Variants in GRM8 observed in about 807,000 individuals in gnomAD.
GRM8 encodes metabotropic glutamate receptor 8.
Under a neutral mutation model 87.2 loss-of-function variants are expected in GRM8, and 47 were observed. The ratio of observed to expected loss-of-function variants is 0.54; its 90% CI spans 0.43 to 0.69. The LOEUF is 0.69. GRM8 is among the 30% of genes least tolerant of loss of function. The pLI is 0.00. For missense variants in GRM8, 1,019 were observed against 1,139.2 expected, an observed-to-expected ratio of 0.89 and a Z score of 1.52; for synonymous variants, 396 against 404.5, an observed-to-expected ratio of 0.98 and a Z score of 0.25.
intron 6 of GRM8, among the ~76,000 whole-genome samples, chr7:126,873,141 T>C (rs1267120553): frequency 2.0e-5 from 3 of 152,116 alleles, no homozygotes; most frequent in Admixed American, 2.0e-4. Flanking sequence ...GCTTCACCTT[T>C]GATAACTTTC....
chr7:126,904,557 T>G lies in GRM8; in HGVS notation c.854A>C (p.Asp285Ala). The change falls in exon 4 of 11, where the codon GAT becomes GCT. Residue 285 changes from aspartate (D) to alanine (A), a missense_variant. Coordinates refer to ENST00000339582, the MANE Select transcript of GRM8 (RefSeq NM_000845.3). ...ARAVIMFANE[D>A]DIRRILEAAK... The stretch of plus-strand genomic sequence containing the variant: ...GAAAAGTAATCAGCACCTGATGTCA[T>G]CCTCATTGGCAAACATAATCACTGC... 1 of 1,613,672 alleles carries G rather than the reference T, an allele frequency of 6.2e-7. No individual in the cohort carries two copies. The highest frequency in any genetic ancestry group is 8.5e-7 in the Non-Finnish European group (1 of 1,179,654).
chr7:126,474,166 G>T (rs186153454), intron 9 of GRM8, among the ~76,000 whole-genome samples: 2 of 152,196 alleles, frequency 1.3e-5, no homozygotes, highest in East Asian at 3.9e-4. Flanking sequence ...CCAAAATGAA[G>T]TGCTAGATTT....
chr7:126,970,794 A>C (rs939474286), intron 3 of GRM8, among the ~76,000 whole-genome samples: 7 of 152,096 alleles, frequency 4.6e-5, no homozygotes, highest in African/African-American at 1.7e-4. Flanking sequence ...TGAAAGACAG[A>C]GGTATGAATC....
chr7:126,624,770 TAG>T (rs1800511261), intron 7 of GRM8, among the ~76,000 whole-genome samples: 1 of 152,200 alleles, frequency 6.6e-6, no homozygotes, highest in Admixed American at 6.5e-5. Flanking sequence ...ATGCACTACA[TAG>T]GAGGGCATTA....
At chr7:126,535,169 C>T (rs1231529452) in intron 8 of GRM8, among the ~76,000 whole-genome samples, 1 of 152,230 alleles carries the variant, frequency 6.6e-6, no homozygotes, top group Admixed American at 6.5e-5. Flanking sequence ...AATAACCTCA[C>T]TTCTGAAAAT....
At chr7:127,150,477 T>C (rs1452799249) in intron 2 of GRM8, among the ~76,000 whole-genome samples, 2 of 152,048 alleles carry the variant, frequency 1.3e-5, no homozygotes, top group Non-Finnish European at 2.9e-5. Flanking sequence ...GGGGAAAAAC[T>C]GGAAATTTAA....
intron 5 of GRM8, 68 bp downstream of exon 5, chr7:126,903,904 T>C: frequency 1.1e-6 from 1 of 904,678 alleles, no homozygotes. Context: ...CATATTATGA[T>C]ACTCCAGTTT....
intron 7 of GRM8, among the ~76,000 whole-genome samples, chr7:126,650,968 G>A (rs1803785542): frequency 6.6e-6 from 1 of 152,098 alleles, no homozygotes; most frequent in Non-Finnish European, 1.5e-5. Context: ...AGAGACTGAT[G>A]CTGAGCCCTC....
chr7:126,917,391 A>ACACG (rs993983147), intron 3 of GRM8, among the ~76,000 whole-genome samples: 4 of 151,946 alleles, frequency 2.6e-5, no homozygotes, highest in Non-Finnish European at 5.9e-5. Flanking sequence ...ACACACACAC[A>ACACG]CACACACATG....
chr7:126,945,872 T>A (rs983408611), intron 3 of GRM8, among the ~76,000 whole-genome samples: 3 of 152,222 alleles, frequency 2.0e-5, no homozygotes, highest in African/African-American at 4.8e-5. Flanking sequence ...GAATTATTAA[T>A]AGTGTAACTT....
At chr7:126,925,669 C>A (rs1349319275) in intron 3 of GRM8, among the ~76,000 whole-genome samples, 1 of 152,184 alleles carries the variant, frequency 6.6e-6, no homozygotes, top group African/African-American at 2.4e-5. Flanking sequence ...TCCCACTGAG[C>A]ATTATCATGC....
chr7:126,474,112 A>T (rs1805619588), intron 9 of GRM8, among the ~76,000 whole-genome samples: 1 of 152,136 alleles, frequency 6.6e-6, no homozygotes, highest in Non-Finnish European at 1.5e-5. Context: ...TCTCAGTTTC[A>T]GTTGATGTCC....
intron 3 of GRM8, among the ~76,000 whole-genome samples, chr7:126,922,546 G>T (rs773374916): frequency 6.6e-6 from 1 of 152,132 alleles, no homozygotes; most frequent in Non-Finnish European, 1.5e-5. Flanking sequence ...GCACGGGGAG[G>T]GCAGTGGGTT....
intron 8 of GRM8, among the ~76,000 whole-genome samples, chr7:126,591,156 C>T (rs1796632689): frequency 6.6e-6 from 1 of 151,928 alleles, no homozygotes; most frequent in African/African-American, 2.4e-5. Flanking sequence ...TAAGAACTCA[C>T]ATAAGCTTAA....
At chr7:126,564,522 G>C (rs948973658) in intron 8 of GRM8, among the ~76,000 whole-genome samples, 2 of 152,108 alleles carry the variant, frequency 1.3e-5, no homozygotes, top group African/African-American at 4.8e-5. Flanking sequence ...AACTTACCAA[G>C]ACTGAATCAT....
chr7:126,507,676 T>C (rs988822153), intron 9 of GRM8, among the ~76,000 whole-genome samples: 9 of 152,120 alleles, frequency 5.9e-5, no homozygotes, highest in Admixed American at 5.2e-4. Flanking sequence ...CTTTCACTAT[T>C]GGCAACATTA....
intron 7 of GRM8, among the ~76,000 whole-genome samples, chr7:126,651,994 T>C (rs1803943899): frequency 6.6e-6 from 1 of 152,154 alleles, no homozygotes; most frequent in East Asian, 1.9e-4. Flanking sequence ...GAATACAGAA[T>C]GGGTAGAAGG....
chr7:127,137,942 G>C (rs1312700789), intron 2 of GRM8, among the ~76,000 whole-genome samples: 1 of 152,144 alleles, frequency 6.6e-6, no homozygotes, highest in East Asian at 1.9e-4. Context: ...AATTGCTTAA[G>C]CTCCTTTCCT....
At chr7:126,883,009 G>A (rs1800159357) in intron 6 of GRM8, among the ~76,000 whole-genome samples, 1 of 152,186 alleles carries the variant, frequency 6.6e-6, no homozygotes. Context: ...CTATTTCTGA[G>A]TTGGTCAGAG....
Sources: gnomAD v4.1 joint callset for allele counts (sites outside exome capture counted in the v4.1 genomes callset) on GRCh38, gnomAD v4.1.1 for gene constraint, MANE v1.5 for transcripts, NCBI Gene and HGNC (gene_info 2026-07-23, HGNC 2026-07-21) for gene names.